ZSCAN18: variants seen among roughly 807,000 people sequenced by gnomAD.
The protein encoded by ZSCAN18 is zinc finger and SCAN domain containing 18, also known as zinc finger and SCAN domain-containing protein 18.
Under a neutral mutation model 31.1 loss-of-function variants are expected in ZSCAN18, and 16 were observed. The ratio of observed to expected loss-of-function variants is 0.51; its 90% CI spans 0.35 to 0.78. The LOEUF is 0.78. Ranked by LOEUF, ZSCAN18 falls within the 30% of genes least tolerant of loss-of-function variation. The pLI, the probability that ZSCAN18 is intolerant of heterozygous loss-of-function variation, is 0.01. For synonymous variants in ZSCAN18, 375 were observed against 320.7 expected (o/e 1.17, Z -1.81); for missense variants, 731 against 697.4 (o/e 1.05, Z -0.54).
chr19:58,112,224 G>A (rs1187279826), intron 1 of ZSCAN18, among the ~76,000 whole-genome samples: 2 of 152,042 alleles, frequency 1.3e-5, no homozygotes, highest in Non-Finnish European at 2.9e-5. Context: ...TGCAGAGATG[G>A]GGTTTTTGCC....
upstream of ZSCAN18, among the ~76,000 whole-genome samples, chr19:58,100,356 A>G (rs7250610): frequency 0.79 from 119,877 of 151,994 alleles, 47,597 homozygotes; most frequent in Non-Finnish European, 0.85. Context: ...GCATCCATGT[A>G]CCGTCTGGGT....
chr19:58,086,794 T>C, intron 5 of ZSCAN18, 112 bp downstream of exon 5: 1 of 750,068 alleles, frequency 1.3e-6, no homozygotes, highest in Non-Finnish European at 2.2e-6. Flanking sequence ...GTTCAAATCC[T>C]GTAAGACATC....
In ZSCAN18 at chr19:58,112,272, C is replaced by T. The variant is rs144735288; in HGVS notation, c.130+5995G>A. On this transcript the variant is annotated intron_variant, in intron 1 of 1. Coordinates refer to the ZSCAN18 transcript ENST00000595721. ...CTGGTCTCAAATTCCTGTGCTCAAG[C>T]GATACGCCCATTTCGGCCTCCCAAA... Among the ~76,000 whole-genome samples the T allele has an allele frequency of 2.6e-3, 401 of 152,248 alleles. 3 individuals carry two copies. Among genetic ancestry groups the T allele is most frequent in the African/African-American group, 9.5e-3 (393 of 41,540 alleles).
Position 58,106,186 on chromosome 19 carries a change from C to T in ZSCAN18, c.130+12081G>A, listed in dbSNP as rs376127312. Among the ~76,000 whole-genome samples the T allele has an allele frequency of 6.0e-4, 92 of 152,102 alleles. No homozygotes were observed. The South Asian group carries it at 0.017, about 29-fold the overall frequency. The stretch of plus-strand genomic sequence containing the variant: ...TCAGGATGAGGCAAGAGGATCACTT[C>T]GGCACAGGAGTTCAAGACCAGCTTG... On this transcript the variant is annotated intron_variant, in intron 1 of 1. Transcript: ENST00000595721.
chr19:58,115,595 T>G (rs561210221), intron 1 of ZSCAN18, among the ~76,000 whole-genome samples: 1 of 152,308 alleles, frequency 6.6e-6, no homozygotes, highest in African/African-American at 2.4e-5. Context: ...CCCACAACAT[T>G]AACATGTCTT....
At position 58,090,457 on chromosome 19, in the gene ZSCAN18, C is replaced by CATA; in HGVS notation, c.-119-72_-119-71insTAT. ...CGCAGCCACCCCAGCTGCCAGAGAACAAAGACACCACACCCAGAGTTCACA... is the reference window on the plus strand; with the variant it reads ...CGCAGCCACCCCAGCTGCCAGAGAACATAAAAGACACCACACCCAGAGTTCACA... On this transcript the variant is annotated intron_variant, in intron 1 of 6. Coordinates refer to ENST00000601144, the MANE Select transcript of ZSCAN18 (RefSeq NM_001145543.2). The surrounding 1 kb of genome is among the most constrained non-coding windows in gnomAD (Gnocchi z 4.7). 2 of 1,359,616 alleles carry CATA rather than the reference C, an allele frequency of 1.5e-6. No individual in the cohort carries two copies. Among genetic ancestry groups the CATA allele is most frequent in the Non-Finnish European group, 2.0e-6 (2 of 1,017,204 alleles). 84.2% of individuals were successfully genotyped at this position (1,359,616 alleles called of 1,614,324 possible).
chr19:58,090,682 C>A lies in ZSCAN18; in HGVS notation c.-119-296G>T. ...TCGGCTCAATGCAACCTCTACCTCC[C>A]GGGTTCAAGCGAGTCTCCTGCCTCA... On this transcript the variant is annotated intron_variant, in intron 1 of 6. Transcript: ENST00000601144. This position sits in a 1 kb window ranked among gnomAD's most constrained non-coding sequence, Gnocchi z 4.7. 1 of 243,956 alleles carries A rather than the reference C, an allele frequency of 4.1e-6. No homozygotes were observed. The highest frequency in any genetic ancestry group is 1.2e-4 in the South Asian group (1 of 8,466). 15.1% of individuals were successfully genotyped at this position (243,956 alleles called of 1,614,324 possible).
intron 1 of ZSCAN18, among the ~76,000 whole-genome samples, chr19:58,111,854 A>C (rs556196384): frequency 6.6e-6 from 1 of 152,342 alleles, no homozygotes; most frequent in South Asian, 2.1e-4. Flanking sequence ...CAAGGATTAC[A>C]CACCACGAGC....
In ZSCAN18 at chr19:58,088,680, G is replaced by C. The variant is rs1237144817; in HGVS notation, c.553+8C>G. The C allele has an allele frequency of 5.0e-6, 8 of 1,606,606 alleles. No homozygotes were observed. The highest frequency in any genetic ancestry group is 6.8e-6 in the Non-Finnish European group (8 of 1,179,540). On this transcript the variant is annotated splice_region_variant and intron_variant, in intron 3 of 6. Transcript: ENST00000601144. ...CAGCAGAGGCTGCCAGGCTAGCTGG[G>C]CACTCACGTGTCTCAGAAGGTGCCG...
At chr19:58,111,567 G>A (rs1482863699) in intron 1 of ZSCAN18, among the ~76,000 whole-genome samples, 1 of 151,188 alleles carries the variant, frequency 6.6e-6, no homozygotes, top group Non-Finnish European at 1.5e-5. Flanking sequence ...GTCTCACTAT[G>A]TTGTCCAGGC....
rs550964538 is a variant in ZSCAN18 at position 58,092,701 on chromosome 19, C to A, written c.-119-2315G>T. On this transcript the variant is annotated intron_variant, in intron 1 of 6. Coordinates refer to ENST00000601144, the MANE Select transcript of ZSCAN18 (RefSeq NM_001145543.2). ...AAGTGCTGTTGGAAGACATTCTACA[C>A]AAGCTTCCACTTACCTCAAGCAGAA... is the stretch of plus-strand genomic sequence containing the variant. 75 of 984,402 alleles carry A rather than the reference C, an allele frequency of 7.6e-5. No homozygotes were observed. The South Asian group carries it at 3.2e-3, about 43-fold the overall frequency. The allele number at this position is 984,402 out of a possible 1,614,324, so 61.0% of individuals were successfully genotyped here. A position where few individuals can be genotyped will look rare whatever the true frequency, so the allele number is the denominator to read the frequency against.
At chr19:58,117,477 C>T (rs935708437) in intron 1 of ZSCAN18, among the ~76,000 whole-genome samples, 34 of 151,916 alleles carry the variant, frequency 2.2e-4, no homozygotes, top group Non-Finnish European at 4.4e-5. Flanking sequence ...AACACACAAC[C>T]CTAAAGGGGC....
intron 1 of ZSCAN18, chr19:58,108,300 T>C: frequency 6.1e-6 from 6 of 985,460 alleles, no homozygotes; most frequent in Middle Eastern, 5.2e-4. Context: ...GACAATAAGG[T>C]TGGAGACATC....
upstream of ZSCAN18, among the ~76,000 whole-genome samples, chr19:58,098,824 G>A (rs1366849872): frequency 6.6e-6 from 1 of 152,198 alleles, no homozygotes; most frequent in Non-Finnish European, 1.5e-5. Flanking sequence ...CCAGTACTGG[G>A]GAGACAAGAG....
Position 58,086,961 on chromosome 19 carries a change from G to A in ZSCAN18, c.690C>T (p.Gly230=), listed in dbSNP as rs2074293201. The A allele has an allele frequency of 6.2e-7, 1 of 1,613,908 alleles. No individual in the cohort carries two copies. Among genetic ancestry groups the A allele is most frequent in the Admixed American group, 1.7e-5 (1 of 60,014 alleles). Residue 230 remains glycine, a synonymous_variant, in exon 5 of 7, where the codon GGC becomes GGT. Coordinates refer to ENST00000601144, the MANE Select transcript of ZSCAN18 (RefSeq NM_001145543.2). ...PEDPQHLGEW[G]HLDPAEENLK... is the part of the protein sequence containing the mutation. The stretch of plus-strand genomic sequence containing the variant: ...GGTTCTCCTCGGCAGGGTCCAGGTG[G>A]CCCCACTCCCCCAGGTGCTGAGGGT...
intron 1 of ZSCAN18, chr19:58,109,066 A>T: frequency 8.2e-7 from 1 of 1,225,910 alleles, no homozygotes; most frequent in Non-Finnish European, 1.0e-6. Context: ...CACAATGGTC[A>T]TGGTGACCAC....
chr19:58,099,361 G>T (rs754126307), upstream of ZSCAN18, among the ~76,000 whole-genome samples: 3 of 152,036 alleles, frequency 2.0e-5, no homozygotes, highest in African/African-American at 4.8e-5. Context: ...ACAGTATGTG[G>T]CCTCTTCAGA....
chr19:58,113,069 A>C (rs1249433469), intron 1 of ZSCAN18, among the ~76,000 whole-genome samples: 1 of 151,464 alleles, frequency 6.6e-6, no homozygotes, highest in Non-Finnish European at 1.5e-5. Flanking sequence ...TAATTCCAAC[A>C]CTTTGGGAGG....
intron 1 of ZSCAN18, among the ~76,000 whole-genome samples, chr19:58,094,389 C>T (rs1484096568): frequency 2.0e-5 from 3 of 149,264 alleles, no homozygotes; most frequent in Non-Finnish European, 3.0e-5. Context: ...CCAGCCTGAG[C>T]GACAGAGTGA....
Sources: gnomAD v4.1 joint callset for allele counts (sites outside exome capture counted in the v4.1 genomes callset) on GRCh38, gnomAD v4.1.1 for gene constraint, Gnocchi (gnomAD v3.1) non-coding constraint, MANE v1.5 for transcripts, NCBI Gene and HGNC (gene_info 2026-07-23, HGNC 2026-07-21) for gene names.